TTC29: variants seen among roughly 807,000 people sequenced by gnomAD.
TTC29 encodes the protein tetratricopeptide repeat protein 29.
Under a neutral mutation model 58.1 loss-of-function variants are expected in TTC29, and 49 were observed. That is an observed-to-expected ratio of 0.84 (90% CI 0.67 to 1.07). The LOEUF (loss-of-function observed/expected upper bound fraction) is 1.07, where lower values mean the gene tolerates loss of function less well. TTC29 is among the 50% of genes least tolerant of loss of function. TTC29 has a pLI of 0.00. For synonymous variants in TTC29, 209 were observed against 196.8 expected (o/e 1.06, Z -0.52); for missense variants, 582 against 555.6 (o/e 1.05, Z -0.48).
intron 11 of TTC29, among the ~76,000 whole-genome samples, chr4:146,739,236 T>A (rs1374512438): frequency 6.6e-6 from 1 of 152,158 alleles, no homozygotes; most frequent in Non-Finnish European, 1.5e-5. Flanking sequence ...ACAAAAATAG[T>A]AGCATGAATT....
Position 146,885,637 on chromosome 4 carries a change from T to G in TTC29, c.587-10709A>C, listed in dbSNP as rs1731934060. On this transcript the variant is annotated intron_variant, in intron 6 of 12. Transcript: ENST00000325106. ...AATGTTTTTAACTATCTTAACATTT[T>G]TAGAACTGGAATTGATACATAAGGG... Among the ~76,000 whole-genome samples, 5 of 152,234 alleles carry G rather than the reference T, an allele frequency of 3.3e-5. No individual in the cohort carries two copies. In the South Asian group the frequency reaches 1.0e-3, roughly 32 times the overall value.
chr4:146,902,700 C>G (rs1206194990), intron 6 of TTC29, among the ~76,000 whole-genome samples: 1 of 152,236 alleles, frequency 6.6e-6, no homozygotes, highest in Non-Finnish European at 1.5e-5. Context: ...TTCTAATACT[C>G]CCTATGTCTA....
At chr4:146,942,099 T>A (rs78625817) in intron 2 of TTC29, among the ~76,000 whole-genome samples, 12,734 of 152,228 alleles carry the variant, frequency 0.084, 695 homozygotes, top group East Asian at 0.19. Flanking sequence ...CTAAAAATAA[T>A]TTTTTACATA....
intron 4 of TTC29, among the ~76,000 whole-genome samples, chr4:146,928,619 T>C (rs1560728192): frequency 6.6e-6 from 1 of 152,190 alleles, no homozygotes; most frequent in East Asian, 1.9e-4. Context: ...CTCTAGTTGC[T>C]CAGGTCAGTT....
At chr4:146,920,638 T>C (rs928881321) in intron 4 of TTC29, among the ~76,000 whole-genome samples, 1 of 143,856 alleles carries the variant, frequency 7.0e-6, no homozygotes, top group Non-Finnish European at 1.5e-5. Context: ...TATACACTTA[T>C]AAAACTTATC....
intron 11 of TTC29, among the ~76,000 whole-genome samples, chr4:146,737,596 G>GT (rs1319298292): frequency 6.7e-6 from 1 of 149,670 alleles, no homozygotes; most frequent in Non-Finnish European, 1.5e-5. Context: ...GCCCTGGGGG[G>GT]GGGGGGGCTA....
At chr4:146,714,095 G>T (rs192760887) in intron 11 of TTC29, among the ~76,000 whole-genome samples, 1 of 152,134 alleles carries the variant, frequency 6.6e-6, no homozygotes, top group East Asian at 1.9e-4. Flanking sequence ...CAAAATATAT[G>T]AAACAATGAT....
chr4:146,769,514 T>C (rs1747564252), intron 11 of TTC29, among the ~76,000 whole-genome samples: 1 of 152,014 alleles, frequency 6.6e-6, no homozygotes, highest in South Asian at 2.1e-4. Context: ...GGATTAAGCA[T>C]ATATTTTTTA....
intron 11 of TTC29, among the ~76,000 whole-genome samples, chr4:146,735,711 A>T (rs1744664827): frequency 6.6e-6 from 1 of 152,136 alleles, no homozygotes; most frequent in African/African-American, 2.4e-5. Flanking sequence ...CCTGTTACCC[A>T]GGTCATGGTA....
At chr4:146,894,166 A>C (rs558320720) in intron 6 of TTC29, among the ~76,000 whole-genome samples, 1,766 of 152,148 alleles carry the variant, frequency 0.012, 32 homozygotes, top group African/African-American at 0.04. Context: ...TTGACCCAGC[A>C]ATCCCATTAC....
At chr4:146,785,571 C>A (rs960161844) in intron 11 of TTC29, among the ~76,000 whole-genome samples, 1 of 152,194 alleles carries the variant, frequency 6.6e-6, no homozygotes, top group South Asian at 2.1e-4. Context: ...TCCTTAATGA[C>A]ACCTATTTGA....
At chr4:146,871,027 CAAGAA>C (rs965207926) in intron 7 of TTC29, among the ~76,000 whole-genome samples, 1 of 151,804 alleles carries the variant, frequency 6.6e-6, no homozygotes, top group African/African-American at 2.4e-5. Flanking sequence ...AAAGACATTA[CAAGAA>C]AAGAAAACTA....
chr4:146,878,600 A>T (rs180713365), intron 6 of TTC29, among the ~76,000 whole-genome samples: 44 of 152,326 alleles, frequency 2.9e-4, no homozygotes, highest in Non-Finnish European at 3.8e-4. Flanking sequence ...TGGTTCCACC[A>T]CATCAGATAC....
intron 7 of TTC29, among the ~76,000 whole-genome samples, chr4:146,869,723 AG>A (rs1730804958): frequency 6.6e-6 from 1 of 152,126 alleles, no homozygotes; most frequent in Non-Finnish European, 1.5e-5. Flanking sequence ...CTCAGCAAAG[AG>A]GGGAAAGGAA....
intron 11 of TTC29, among the ~76,000 whole-genome samples, chr4:146,714,434 C>A (rs1336543643): frequency 2.0e-5 from 3 of 151,622 alleles, no homozygotes; most frequent in African/African-American, 7.3e-5. Flanking sequence ...TTTAAGCAGC[C>A]TAATAGACAT....
intron 9 of TTC29, among the ~76,000 whole-genome samples, chr4:146,822,021 T>C (rs1751876107): frequency 6.9e-6 from 1 of 144,028 alleles, no homozygotes; most frequent in Non-Finnish European, 1.5e-5. Flanking sequence ...GTTTTCTAAG[T>C]GTGACTCCAA....
intron 6 of TTC29, among the ~76,000 whole-genome samples, chr4:146,878,316 T>C (rs1731409317): frequency 6.6e-6 from 1 of 152,184 alleles, no homozygotes; most frequent in Non-Finnish European, 1.5e-5. Flanking sequence ...GAGTCTTCCC[T>C]GAGGACGGAG....
intron 11 of TTC29, among the ~76,000 whole-genome samples, chr4:146,719,931 A>C (rs997767769): frequency 1.1e-4 from 16 of 152,162 alleles, no homozygotes; most frequent in Non-Finnish European, 1.9e-4. Context: ...ACGTAAGTGA[A>C]ACTTGGTAGC....
rs768342457 is a variant in TTC29 at position 146,937,640 on chromosome 4, A to T, written c.130T>A (p.Tyr44Asn). Residue 44 changes from tyrosine (Y) to asparagine (N), a missense_variant, in exon 4 of 13, where the codon TAT becomes AAT. By Grantham distance (143) the Tyr-to-Asn change is moderately radical. Coordinates refer to ENST00000325106, the MANE Select transcript of TTC29 (RefSeq NM_031956.4). ...LIKEKDDIDH[Y>N]LEVNFKGLSK... ...AATCCTTTGAAATTTACCTCTAGAT[A>T]ATGATCTATGTCATCTTTTTCTTTG... The T allele has an allele frequency of 3.9e-6, 6 of 1,542,484 alleles. No homozygotes were observed. Among genetic ancestry groups the T allele is most frequent in the Non-Finnish European group, 5.3e-6 (6 of 1,140,174 alleles).
Sources: allele counts gnomAD v4.1 joint callset (sites outside exome capture counted in the v4.1 genomes callset), GRCh38; gene constraint gnomAD v4.1.1; transcripts MANE v1.5; gene names NCBI Gene and HGNC (gene_info 2026-07-23, HGNC 2026-07-21).